Variants in MYRIP observed in about 807,000 individuals in gnomAD.
MYRIP encodes myosin VIIA and Rab interacting protein, also known as rab effector MyRIP.
MYRIP carries 49 observed loss-of-function variants against 98.0 expected under a neutral mutation model. That is an observed-to-expected ratio of 0.50 (90% CI 0.40 to 0.63). The LOEUF is 0.63. Ranked by LOEUF, MYRIP falls within the 30% of genes least tolerant of loss-of-function variation. The pLI is 0.00. For missense variants in MYRIP, 1,004 were observed against 1,058.2 expected, an observed-to-expected ratio of 0.95 and a Z score of 0.71; for synonymous variants, 404 against 409.5, an observed-to-expected ratio of 0.99 and a Z score of 0.16.
intron 2 of MYRIP, among the ~76,000 whole-genome samples, chr3:39,988,163 G>C (rs1946079977): frequency 6.6e-6 from 1 of 152,078 alleles, no homozygotes; most frequent in African/African-American, 2.4e-5. Context: ...ACTGTTGTGG[G>C]GTGGGGGAAG....
At chr3:39,889,816 C>T (rs1943435353) in intron 1 of MYRIP, among the ~76,000 whole-genome samples, 1 of 152,102 alleles carries the variant, frequency 6.6e-6, no homozygotes, top group Non-Finnish European at 1.5e-5. Context: ...TTGAGAAAGG[C>T]ATTTCCTACT....
At chr3:39,965,586 G>C (rs1945420078) in intron 2 of MYRIP, among the ~76,000 whole-genome samples, 1 of 152,116 alleles carries the variant, frequency 6.6e-6, no homozygotes, top group Non-Finnish European at 1.5e-5. Context: ...CAAGGAATTG[G>C]CTTATGTAAT....
chr3:40,011,811 C>T (rs147068205), intron 2 of MYRIP, among the ~76,000 whole-genome samples: 123 of 152,174 alleles, frequency 8.1e-4, no homozygotes, highest in African/African-American at 2.6e-3. Flanking sequence ...AGTAAATACA[C>T]AAAATGAAAA....
chr3:40,256,804 T>C (rs201138850), intron 16 of MYRIP, among the ~76,000 whole-genome samples: 1 of 152,138 alleles, frequency 6.6e-6, no homozygotes, highest in East Asian at 1.9e-4. Flanking sequence ...CCATATAAAA[T>C]ATTCCAGGTC....
chr3:40,130,963 T>C (rs1949625854), intron 3 of MYRIP, among the ~76,000 whole-genome samples: 1 of 152,168 alleles, frequency 6.6e-6, no homozygotes, highest in African/African-American at 2.4e-5. Context: ...CACTTGGTCT[T>C]AGTCACCTTC....
At chr3:40,002,701 G>T (rs957585407) in intron 2 of MYRIP, among the ~76,000 whole-genome samples, 3 of 151,992 alleles carry the variant, frequency 2.0e-5, no homozygotes, top group Non-Finnish European at 4.4e-5. Context: ...GGTAGAGGGA[G>T]ACCAAAGCCA....
chr3:39,828,047 G>C lies in MYRIP; in HGVS notation c.-31+18131G>C, dbSNP rs544329753. On this transcript the variant is annotated intron_variant, in intron 1 of 16. Coordinates refer to ENST00000302541, the MANE Select transcript of MYRIP (RefSeq NM_015460.4). ...GTCTTAGACTTTTGACAGTTTGACT[G>C]TAACTCGCCTTGGAAAGGACCTGTT... Among the ~76,000 whole-genome samples the C allele has an allele frequency of 2.0e-5, 3 of 152,086 alleles. No individual in the cohort carries two copies. In the South Asian group the frequency reaches 6.3e-4, roughly 32 times the overall value.
intron 12 of MYRIP, among the ~76,000 whole-genome samples, chr3:40,243,757 C>T (rs1575674636): frequency 1.3e-5 from 2 of 152,150 alleles, no homozygotes; most frequent in African/African-American, 4.8e-5. Flanking sequence ...ATGGGAATAA[C>T]CTTATAAACC....
In MYRIP at chr3:39,871,438, T is replaced by C. The variant is rs753529022; in HGVS notation, c.-30-29349T>C. Among the ~76,000 whole-genome samples the C allele has an allele frequency of 1.1e-3, 169 of 152,184 alleles. 3 individuals are homozygous for C. Among genetic ancestry groups the C allele is most frequent in the Non-Finnish European group, 3.5e-4 (24 of 68,032 alleles). On this transcript the variant is annotated intron_variant, in intron 1 of 16. Coordinates refer to ENST00000302541, the MANE Select transcript of MYRIP (RefSeq NM_015460.4). ...CTTTAGTCAGCATGAGTTCTTCTTATAATCAATCTTTGAACAGCAGAGTGG... is the reference window on the plus strand; with the variant it reads ...CTTTAGTCAGCATGAGTTCTTCTTACAATCAATCTTTGAACAGCAGAGTGG...
At chr3:39,855,920 G>T (rs949659334) in intron 1 of MYRIP, among the ~76,000 whole-genome samples, 1 of 152,148 alleles carries the variant, frequency 6.6e-6, no homozygotes, top group South Asian at 2.1e-4. Context: ...AATTCTGCTG[G>T]CTGCCTTCTT....
In MYRIP at chr3:39,993,864, C is replaced by G. The variant is rs139187148; in HGVS notation, c.111-50186C>G. On this transcript the variant is annotated intron_variant, in intron 2 of 16. Transcript: ENST00000302541. ...CTGTGACCTATTCCTTCTTAACCTTCAAAGACTGTCAACCTTCTCATTACT... is the reference window on the plus strand; with the variant it reads ...CTGTGACCTATTCCTTCTTAACCTTGAAAGACTGTCAACCTTCTCATTACT... Among the ~76,000 whole-genome samples, 291 of 152,324 alleles carry G rather than the reference C, an allele frequency of 1.9e-3. 1 individual carries two copies. Among genetic ancestry groups the G allele is most frequent in the Middle Eastern group, 6.8e-3 (2 of 294 alleles).
chr3:40,148,241 T>C (rs1478815876), intron 3 of MYRIP, among the ~76,000 whole-genome samples: 3 of 152,250 alleles, frequency 2.0e-5, no homozygotes, highest in Admixed American at 1.3e-4. Context: ...CATGAAGATG[T>C]AGCAAGGTAG....
At chr3:39,862,166 A>G (rs978020253) in intron 1 of MYRIP, among the ~76,000 whole-genome samples, 1 of 152,236 alleles carries the variant, frequency 6.6e-6, no homozygotes, top group Non-Finnish European at 1.5e-5. Flanking sequence ...CTTAAGCCAG[A>G]AGAGATTGGA....
intron 2 of MYRIP, among the ~76,000 whole-genome samples, chr3:39,931,055 C>T (rs780624414): frequency 9.2e-5 from 14 of 151,802 alleles, no homozygotes; most frequent in African/African-American, 2.7e-4. Flanking sequence ...ATGCAAAAAT[C>T]GATAACAAAA....
chr3:39,992,173 C>T (rs987851252), intron 2 of MYRIP, among the ~76,000 whole-genome samples: 5 of 152,142 alleles, frequency 3.3e-5, no homozygotes, highest in African/African-American at 1.2e-4. Context: ...CATTAGAACT[C>T]CTAATCTGCT....
At chr3:39,938,585 G>A (rs956108120) in intron 2 of MYRIP, among the ~76,000 whole-genome samples, 4 of 152,154 alleles carry the variant, frequency 2.6e-5, no homozygotes, top group Admixed American at 6.5e-5. Context: ...ACTCCCACCA[G>A]TAACATATGA....
intron 3 of MYRIP, among the ~76,000 whole-genome samples, chr3:40,073,508 T>C (rs960409941): frequency 6.6e-6 from 1 of 152,232 alleles, no homozygotes; most frequent in Non-Finnish European, 1.5e-5. Context: ...TTACTCTCTG[T>C]TGATGCGCAT....
intron 3 of MYRIP, among the ~76,000 whole-genome samples, chr3:40,047,809 A>C (rs1243147559): frequency 6.6e-6 from 1 of 152,144 alleles, no homozygotes; most frequent in Non-Finnish European, 1.5e-5. Flanking sequence ...ACAGTCTTTT[A>C]TGTTGTACCT....
At chr3:40,238,889 G>A (rs966337742) in intron 12 of MYRIP, 2 of 152,112 alleles carry the variant, frequency 1.3e-5, no homozygotes, top group East Asian at 3.9e-4. Context: ...CAGATGGCAT[G>A]GGTATTTTTT....
Sources: gnomAD v4.1 joint callset for allele counts (sites outside exome capture counted in the v4.1 genomes callset) on GRCh38, gnomAD v4.1.1 for gene constraint, MANE v1.5 for transcripts, NCBI Gene and HGNC (gene_info 2026-07-23, HGNC 2026-07-21) for gene names.